SP140: variants seen among roughly 807,000 people sequenced by gnomAD.
SP140 encodes the protein nuclear body protein SP140.
In SP140, 81 loss-of-function variants were observed where a neutral mutation model predicts 125.0. That is an observed-to-expected ratio of 0.65 (90% CI 0.54 to 0.78). The LOEUF (loss-of-function observed/expected upper bound fraction) is 0.78, where lower values mean the gene tolerates loss of function less well. Among genes scored for constraint, SP140 ranks in the 30% least tolerant of loss-of-function variants. SP140 has a pLI of 0.00. For synonymous variants in SP140, 312 were observed against 354.0 expected (o/e 0.88, Z 1.33); for missense variants, 858 against 1,037.0 (o/e 0.83, Z 2.37).
intron 3 of SP140, among the ~76,000 whole-genome samples, chr2:230,214,792 G>A (rs1457314761): frequency 6.6e-6 from 1 of 152,106 alleles, no homozygotes; most frequent in Non-Finnish European, 1.5e-5. Context: ...TTTAGCAAGG[G>A]GCTGCTCCTG....
At chr2:230,196,970 C>T in the SP140 span, among the ~76,000 whole-genome samples, 1 of 152,152 alleles carries the variant, frequency 6.6e-6, no homozygotes, top group African/African-American at 2.4e-5. Context: ...GGTTCCAAGT[C>T]TTTGCTATTG....
chr2:230,310,422 G>A (rs1175551509), intron 23 of SP140: 6 of 537,280 alleles, frequency 1.1e-5, no homozygotes, highest in South Asian at 1.0e-4. Context: ...CGAGGTCCCT[G>A]GGGCTGAAAA....
intron 10 of SP140, among the ~76,000 whole-genome samples, chr2:230,251,810 G>A (rs1559259944): frequency 6.6e-6 from 1 of 152,110 alleles, no homozygotes; most frequent in Non-Finnish European, 1.5e-5. Context: ...TTTACCCTCA[G>A]AAACCTCAAG....
intron 22 of SP140, among the ~76,000 whole-genome samples, chr2:230,302,388 C>A (rs1227932382): frequency 6.6e-6 from 1 of 152,054 alleles, no homozygotes; most frequent in Non-Finnish European, 1.5e-5. Context: ...AGTGAGACTC[C>A]ATCTCAGAAA....
chr2:230,308,286 C>G lies in SP140; in HGVS notation c.2059-1638C>G, dbSNP rs976670083. Reference sequence around the variant, plus strand: ...ATAAAAGACTACACATTGGGTACAGCGTACACTGCTCTTGTGATGAGTGCA... The same window carrying G: ...ATAAAAGACTACACATTGGGTACAGGGTACACTGCTCTTGTGATGAGTGCA... On this transcript the variant is annotated intron_variant, in intron 22 of 26. Transcript: ENST00000392045. 3.3e-5 allele frequency among the ~76,000 whole-genome samples: 5 copies of G among 151,902 alleles called. No homozygotes were observed. In the South Asian group the frequency reaches 1.0e-3, roughly 32 times the overall value.
At position 230,307,970 on chromosome 2, in the gene SP140, TATATATATATATATATATATACAC is replaced by T. The variant is rs1330783645; in HGVS notation, c.2059-1952_2059-1929del. Among the ~76,000 whole-genome samples the T allele has an allele frequency of 5.9e-5, 5 of 84,174 alleles. 1 individual carries two copies. Among genetic ancestry groups the T allele is most frequent in the Admixed American group, 2.3e-4 (2 of 8,690 alleles). 55.2% of individuals were successfully genotyped at this position (84,174 alleles called of 152,430 possible). A position where few individuals can be genotyped will look rare whatever the true frequency, so the allele number is the denominator to read the frequency against. ...GGACATGCATGTATATATATATATA[TATATATATATATATATATATACAC>T]ACACACACACACACACACACACAGA... On this transcript the variant is annotated intron_variant, in intron 22 of 26. Coordinates refer to ENST00000392045, the MANE Select transcript of SP140 (RefSeq NM_007237.5).
At position 230,269,841 on chromosome 2, in the gene SP140, G is replaced by T. The variant is rs760297111; in HGVS notation, c.1332G>T (p.Ala444=). The T allele has an allele frequency of 1.9e-6, 3 of 1,612,960 alleles. No individual in the cohort carries two copies. The African/African-American group carries it at 4.0e-5, about 22-fold the overall frequency. The change falls in exon 14 of 27, where the codon GCG becomes GCT. Residue 444 remains alanine, a synonymous_variant. Coordinates refer to ENST00000392045, the MANE Select transcript of SP140 (RefSeq NM_007237.5). ...TGAATCACAATTTTGGCCCAGGAGC[G>T]GAGCAATCAGCATATGAAAATGAGA... ...SSLLYDNVPG[A]EQSAYENEKC...
At chr2:230,309,558 ATT>A (rs2059140890) in intron 22 of SP140, among the ~76,000 whole-genome samples, 1 of 152,146 alleles carries the variant, frequency 6.6e-6, no homozygotes, top group African/African-American at 2.4e-5. Context: ...TCACTAGTTG[ATT>A]TGTGGTATAG....
chr2:230,212,992 G>C, intron 1 of SP140: 1 of 1,614,052 alleles, frequency 6.2e-7, no homozygotes, highest in Non-Finnish European at 8.5e-7. Flanking sequence ...AGTAGGATTG[G>C]TGTGTCTCTG....
At chr2:230,304,956 G>A (rs755447656) in intron 22 of SP140, among the ~76,000 whole-genome samples, 2 of 152,050 alleles carry the variant, frequency 1.3e-5, no homozygotes, top group Non-Finnish European at 2.9e-5. Context: ...AGAAATAACA[G>A]AATAAACAGA....
At chr2:230,266,915 T>C (rs1187215746) in intron 12 of SP140, among the ~76,000 whole-genome samples, 1 of 152,162 alleles carries the variant, frequency 6.6e-6, no homozygotes, top group Non-Finnish European at 1.5e-5. Context: ...CCAGATCCAC[T>C]CTATTAGTCT....
chr2:230,314,940 A>G (rs1462948631), downstream of SP140, among the ~76,000 whole-genome samples: 2 of 152,264 alleles, frequency 1.3e-5, no homozygotes, highest in Non-Finnish European at 2.9e-5. Context: ...AAGAGGCAGC[A>G]TTTAACTGTG....
chr2:230,257,329 G>A (rs1055144636), intron 12 of SP140, among the ~76,000 whole-genome samples: 1 of 151,616 alleles, frequency 6.6e-6, no homozygotes, highest in Non-Finnish European at 1.5e-5. Flanking sequence ...AAACAGAGAG[G>A]CAATATGAAA....
At chr2:230,217,776 T>C (rs750110537) in intron 3 of SP140, among the ~76,000 whole-genome samples, 1 of 152,218 alleles carries the variant, frequency 6.6e-6, no homozygotes, top group Non-Finnish European at 1.5e-5. Flanking sequence ...TTAAACAAGA[T>C]GACCTGGGCT....
Position 230,267,700 on chromosome 2 carries a change from C to G in SP140, c.1241-1832C>G, listed in dbSNP as rs190969581. Among the ~76,000 whole-genome samples, 719 of 152,172 alleles carry G rather than the reference C, an allele frequency of 4.7e-3. 25 individuals are homozygous for G. The highest frequency in any genetic ancestry group is 0.042 in the Admixed American group (637 of 15,294). ...GATTATGGCTTTGGCAAAGACAATC[C>G]CGTGACAAACAGCAAAGAGGCCACT... On this transcript the variant is annotated intron_variant, in intron 12 of 26. Coordinates refer to ENST00000392045, the MANE Select transcript of SP140 (RefSeq NM_007237.5).
chr2:230,213,732 AG>A (rs2148931775), exon 2 of SP140: 1 of 152,812 alleles, frequency 6.5e-6, no homozygotes, highest in South Asian at 2.1e-4. Context: ...CAAAATCATC[AG>A]GTTGAAGATC....
At chr2:230,241,716 GA>G (rs1481878268) in intron 4 of SP140, among the ~76,000 whole-genome samples, 1 of 152,162 alleles carries the variant, frequency 6.6e-6, no homozygotes, top group African/African-American at 2.4e-5. Context: ...GAGAATATAA[GA>G]AGAGAAAATG....
chr2:230,263,458 T>G (rs1480441258), intron 12 of SP140, among the ~76,000 whole-genome samples: 1 of 152,228 alleles, frequency 6.6e-6, no homozygotes, highest in African/African-American at 2.4e-5. Flanking sequence ...TTACATTCAA[T>G]GTTAGTATTA....
At chr2:230,212,963 T>A in intron 1 of SP140, 1 of 1,614,060 alleles carries the variant, frequency 6.2e-7, no homozygotes, top group Non-Finnish European at 8.5e-7. Context: ...TTCCTTCTGC[T>A]AGGCCAGTTG....
Sources: allele counts gnomAD v4.1 joint callset (sites outside exome capture counted in the v4.1 genomes callset), GRCh38; gene constraint gnomAD v4.1.1; transcripts MANE v1.5; gene names NCBI Gene and HGNC (gene_info 2026-07-23, HGNC 2026-07-21).